The following BCKDHB variants were observed in gnomAD, a reference collection of about 807,000 sequenced individuals.
The protein encoded by BCKDHB is 2-oxoisovalerate dehydrogenase subunit beta, mitochondrial.
A neutral mutation model predicts 48.5 loss-of-function variants in BCKDHB; 41 were observed. The ratio of observed to expected loss-of-function variants is 0.85; its 90% CI spans 0.66 to 1.10. The LOEUF is 1.10. Among genes scored for constraint, BCKDHB ranks in the 50% least tolerant of loss-of-function variants. BCKDHB has a pLI of 0.00. For missense variants in BCKDHB, 496 were observed against 494.2 expected, an observed-to-expected ratio of 1.00 and a Z score of -0.03; for synonymous variants, 201 against 174.8, an observed-to-expected ratio of 1.15 and a Z score of -1.18.
the BCKDHB span, among the ~76,000 whole-genome samples, chr6:80,465,570 G>T: frequency 7.9e-5 from 12 of 152,200 alleles, no homozygotes; most frequent in South Asian, 2.1e-4. Context: ...TATTAACTTA[G>T]GTTGAAACAT....
chr6:80,398,348 AAAG>A, the BCKDHB span, among the ~76,000 whole-genome samples: 1 of 152,196 alleles, frequency 6.6e-6, no homozygotes, highest in Admixed American at 6.5e-5. Flanking sequence ...CTAAAGAAGA[AAAG>A]AAAGAAGATT....
chr6:80,140,100 C>CT (rs1771113141), intron 3 of BCKDHB, among the ~76,000 whole-genome samples: 1 of 152,140 alleles, frequency 6.6e-6, no homozygotes, highest in Non-Finnish European at 1.5e-5. Context: ...ATTTGGCTCT[C>CT]TGTTTGTCTT....
At chr6:80,110,956 G>T (rs1769377488) in intron 1 of BCKDHB, among the ~76,000 whole-genome samples, 1 of 152,174 alleles carries the variant, frequency 6.6e-6, no homozygotes, top group Admixed American at 6.5e-5. Context: ...CTGGGACAGT[G>T]TCTGTATTTT....
intron 8 of BCKDHB, among the ~76,000 whole-genome samples, chr6:80,259,743 T>G (rs996647542): frequency 1.3e-5 from 2 of 152,192 alleles, no homozygotes; most frequent in African/African-American, 2.4e-5. Flanking sequence ...TAAAGTAGAT[T>G]CAAAAACACC....
chr6:80,221,340 G>C (rs745320399), intron 8 of BCKDHB, among the ~76,000 whole-genome samples: 2 of 152,080 alleles, frequency 1.3e-5, no homozygotes, highest in African/African-American at 2.4e-5. Context: ...TGTTTTTGCT[G>C]TTACAGGTTT....
intron 8 of BCKDHB, among the ~76,000 whole-genome samples, chr6:80,266,845 G>C (rs932034965): frequency 1.3e-5 from 2 of 151,876 alleles, no homozygotes; most frequent in African/African-American, 4.8e-5. Flanking sequence ...GCTTTTTGGG[G>C]GGATCAATAT....
the BCKDHB span, among the ~76,000 whole-genome samples, chr6:80,454,678 A>C: frequency 6.6e-6 from 1 of 152,196 alleles, no homozygotes; most frequent in Non-Finnish European, 1.5e-5. Context: ...CTATCTTTCC[A>C]GATGGGTCCC....
At chr6:80,297,706 T>C (rs190679231) in intron 9 of BCKDHB, among the ~76,000 whole-genome samples, 1 of 152,316 alleles carries the variant, frequency 6.6e-6, no homozygotes, top group African/African-American at 2.4e-5. Context: ...TGAGGACATT[T>C]CCATAACTTG....
At chr6:80,273,342 C>T in intron 9 of BCKDHB, 121 bp downstream of exon 9, 1 of 806,252 alleles carries the variant, frequency 1.2e-6, no homozygotes, top group East Asian at 2.7e-5. Flanking sequence ...GTAGTGCATG[C>T]TTTCATATAC....
At chr6:80,402,767 A>G in the BCKDHB span, among the ~76,000 whole-genome samples, 1 of 151,822 alleles carries the variant, frequency 6.6e-6, no homozygotes, top group South Asian at 2.1e-4. Context: ...ATCCATTTTG[A>G]GTTGACTTTT....
At chr6:80,234,184 G>A (rs949503324) in intron 8 of BCKDHB, among the ~76,000 whole-genome samples, 1 of 152,168 alleles carries the variant, frequency 6.6e-6, no homozygotes, top group Non-Finnish European at 1.5e-5. Flanking sequence ...TTCCTAACAG[G>A]GCAGGGACCA....
intron 1 of BCKDHB, among the ~76,000 whole-genome samples, chr6:80,121,900 T>A (rs1181898918): frequency 6.6e-6 from 1 of 152,028 alleles, no homozygotes; most frequent in African/African-American, 2.4e-5. Flanking sequence ...TGAATAGGAG[T>A]GGTGAGAGAG....
chr6:80,311,497 G>A (rs901142173), intron 9 of BCKDHB, among the ~76,000 whole-genome samples: 2 of 152,128 alleles, frequency 1.3e-5, no homozygotes, highest in South Asian at 4.1e-4. Context: ...TCTTCGTCAA[G>A]AAATCTTTGC....
chr6:80,140,562 C>T (rs916306127), intron 3 of BCKDHB, among the ~76,000 whole-genome samples: 2 of 152,066 alleles, frequency 1.3e-5, no homozygotes, highest in African/African-American at 4.8e-5. Flanking sequence ...TTGAGATAAT[C>T]ATGTGGTTTT....
downstream of BCKDHB, among the ~76,000 whole-genome samples, chr6:80,351,039 A>G (rs1456112430): frequency 1.3e-5 from 2 of 152,190 alleles, no homozygotes; most frequent in Non-Finnish European, 2.9e-5. Flanking sequence ...ACTTTGTTAG[A>G]GGCCTGTTTG....
At chr6:80,323,379 C>A (rs887735093) in intron 9 of BCKDHB, among the ~76,000 whole-genome samples, 5 of 152,070 alleles carry the variant, frequency 3.3e-5, no homozygotes, top group Admixed American at 2.6e-4. Context: ...TCTGTAACTG[C>A]ACAGAAAAGT....
In BCKDHB at chr6:80,186,927, C is replaced by G. The variant is rs548191492; in HGVS notation, c.743-14007C>G. Among the ~76,000 whole-genome samples the G allele has an allele frequency of 8.2e-4, 125 of 152,300 alleles. 1 individual carries two copies. The highest frequency in any genetic ancestry group is 2.9e-3 in the African/African-American group (119 of 41,562). On this transcript the variant is annotated intron_variant, in intron 6 of 9. Transcript: ENST00000320393. ...ATGTCTGTTCAGAGGCAGACTTTTC[C>G]CCCACTCACACTTTGGGAACTTACA...
chr6:80,401,772 G>A, the BCKDHB span, among the ~76,000 whole-genome samples: 5 of 151,704 alleles, frequency 3.3e-5, no homozygotes, highest in East Asian at 3.9e-4. Flanking sequence ...ACCATTTTAC[G>A]CTGTACTTCT....
the BCKDHB span, chr6:80,356,255 C>T: frequency 3.8e-4 from 58 of 152,312 alleles, 1 homozygote; most frequent in African/African-American, 1.3e-3. Flanking sequence ...AGCAAACACA[C>T]TTTAAGTCCC....
Sources: gnomAD v4.1 joint callset for allele counts (sites outside exome capture counted in the v4.1 genomes callset) on GRCh38, gnomAD v4.1.1 for gene constraint, MANE v1.5 for transcripts, NCBI Gene and HGNC (gene_info 2026-07-23, HGNC 2026-07-21) for gene names.